Variants in ACACA observed in about 807,000 individuals in gnomAD.
ACACA encodes the protein acetyl-CoA carboxylase alpha.
A neutral mutation model predicts 296.1 loss-of-function variants in ACACA; 103 were observed. That is an observed-to-expected ratio of 0.35 (90% CI 0.30 to 0.41). The LOEUF is 0.41. ACACA is among the 10% of genes least tolerant of loss of function. The pLI is 1.00. For missense variants in ACACA, 1,554 were observed against 2,989.7 expected (o/e 0.52, Z 11.20); for synonymous variants, 953 against 1,038.6 (o/e 0.92, Z 1.58).
At chr17:37,290,794 G>A (rs980468738) in intron 3 of ACACA, among the ~76,000 whole-genome samples, 3 of 152,026 alleles carry the variant, frequency 2.0e-5, no homozygotes, top group South Asian at 2.1e-4. Context: ...TATAAAATAC[G>A]CTAACACTGG....
intron 1 of ACACA, among the ~76,000 whole-genome samples, chr17:37,398,089 G>A (rs893168681): frequency 1.3e-5 from 2 of 151,516 alleles, no homozygotes; most frequent in African/African-American, 2.4e-5. Flanking sequence ...AATTAGCTGG[G>A]CGTGGTGGCG....
intron 1 of ACACA, among the ~76,000 whole-genome samples, chr17:37,354,465 T>C (rs1409018439): frequency 5.9e-5 from 9 of 152,334 alleles, no homozygotes; most frequent in African/African-American, 1.4e-4. Flanking sequence ...TTAAATGAGA[T>C]TGGCCAGCTA....
At chr17:37,134,158 T>C (rs2075231861) in intron 45 of ACACA, among the ~76,000 whole-genome samples, 1 of 152,216 alleles carries the variant, frequency 6.6e-6, no homozygotes, top group African/African-American at 2.4e-5. Flanking sequence ...AATGCAGTCA[T>C]ACGTCCATGC....
intron 11 of ACACA, 93 bp from the exon 12 acceptor site, chr17:37,259,623 A>T: frequency 7.3e-7 from 1 of 1,368,370 alleles, no homozygotes; most frequent in Non-Finnish European, 1.0e-6. Flanking sequence ...TTCAGTGTGT[A>T]TAAGAGCCAT....
chr17:37,292,729 T>C (rs2083129414), intron 3 of ACACA, among the ~76,000 whole-genome samples: 1 of 152,064 alleles, frequency 6.6e-6, no homozygotes. Flanking sequence ...CTGGGCGTGG[T>C]GGTGTGTGCC....
chr17:37,197,431 G>T (rs1464143038), intron 35 of ACACA, among the ~76,000 whole-genome samples: 4 of 152,124 alleles, frequency 2.6e-5, no homozygotes, highest in Non-Finnish European at 5.9e-5. Flanking sequence ...CAATAATATA[G>T]GGATTCCACA....
At chr17:37,189,248 A>C (rs1340550306) in intron 38 of ACACA, among the ~76,000 whole-genome samples, 1 of 152,236 alleles carries the variant, frequency 6.6e-6, no homozygotes, top group Non-Finnish European at 1.5e-5. Context: ...ACATGGCTGC[A>C]CAGAACATAA....
At chr17:37,233,254 G>A (rs1201270352) in intron 25 of ACACA, among the ~76,000 whole-genome samples, 1 of 152,190 alleles carries the variant, frequency 6.6e-6, no homozygotes, top group Non-Finnish European at 1.5e-5. Flanking sequence ...TCACACCAGC[G>A]TGATTACTTG....
At position 37,375,302 on chromosome 17, in the gene ACACA, C is replaced by T. The variant is rs1247975164; in HGVS notation, c.38+30960G>A. On this transcript the variant is annotated intron_variant, in intron 1 of 55. Coordinates refer to ENST00000616317, the MANE Select transcript of ACACA (RefSeq NM_198834.3). ...GAGATTAAGACCATCCTGTCTAACA[C>T]GGTGAAACGCTGTCTCTACTAAAAA... Among the ~76,000 whole-genome samples, 8 of 152,106 alleles carry T rather than the reference C, an allele frequency of 5.3e-5. 1 individual carries two copies. The East Asian group carries it at 7.7e-4, about 15-fold the overall frequency.
intron 16 of ACACA, 118 bp from the exon 17 acceptor site, chr17:37,248,792 C>A (rs1158098693): frequency 7.2e-6 from 5 of 693,898 alleles, no homozygotes; most frequent in Non-Finnish European, 1.0e-5. Flanking sequence ...AACCTAAATA[C>A]CTAAATGATC....
chr17:37,405,313 C>T (rs947179973), intron 1 of ACACA, among the ~76,000 whole-genome samples: 1 of 152,170 alleles, frequency 6.6e-6, no homozygotes, highest in Non-Finnish European at 1.5e-5. Flanking sequence ...TGCTTATTGA[C>T]AGTCTTCCCT....
chr17:37,358,125 TA>T (rs1381044685), intron 1 of ACACA, among the ~76,000 whole-genome samples: 1 of 152,142 alleles, frequency 6.6e-6, no homozygotes, highest in Non-Finnish European at 1.5e-5. Flanking sequence ...TATCTGAAAT[TA>T]AACTATTTCT....
chr17:37,172,940 A>G (rs1301298267), intron 41 of ACACA, among the ~76,000 whole-genome samples: 1 of 152,152 alleles, frequency 6.6e-6, no homozygotes, highest in Non-Finnish European at 1.5e-5. Context: ...GCATAGTACA[A>G]TTTAAATATG....
intron 21 of ACACA, 140 bp from the exon 22 acceptor site, chr17:37,243,699 C>T (rs1483872086): frequency 2.5e-6 from 2 of 808,438 alleles, no homozygotes; most frequent in African/African-American, 3.4e-5. Context: ...CATACTTGAG[C>T]CCTACGGAAC....
rs1355146410 is a variant in ACACA at position 37,223,499 on chromosome 17, C to T, written c.3564+13G>A. The T allele has an allele frequency of 3.2e-6, 5 of 1,579,024 alleles. No homozygotes were observed. The highest frequency in any genetic ancestry group is 3.3e-5 in the Admixed American group (2 of 59,946). On this transcript the variant is annotated intron_variant, in intron 28 of 55. Transcript: ENST00000616317. ...AAAGGAAAAGGTCATGTCCCATTAC[C>T]ATAAATACTTACCTCCAGAGCTGCC...
At chr17:37,316,930 G>C (rs1488552800) in intron 3 of ACACA, among the ~76,000 whole-genome samples, 2 of 152,042 alleles carry the variant, frequency 1.3e-5, no homozygotes, top group African/African-American at 4.8e-5. Context: ...AAAATTAGCT[G>C]GGTGTGGTGG....
intron 1 of ACACA, among the ~76,000 whole-genome samples, chr17:37,340,931 T>C (rs1354791332): frequency 6.6e-6 from 1 of 152,144 alleles, no homozygotes; most frequent in Non-Finnish European, 1.5e-5. Context: ...GGCAGTAGTG[T>C]GCACCTACAG....
At chr17:37,200,366 T>C (rs371383451) in intron 34 of ACACA, 61 bp downstream of exon 34, 40 of 1,502,366 alleles carry the variant, frequency 2.7e-5, no homozygotes, top group East Asian at 2.0e-4. Flanking sequence ...CAATCCCATT[T>C]TTATTAAGTT....
chr17:37,331,301 T>C (rs931384764), intron 2 of ACACA, among the ~76,000 whole-genome samples: 2 of 151,298 alleles, frequency 1.3e-5, no homozygotes, highest in Admixed American at 1.3e-4. Context: ...GTATTTTTAG[T>C]AGAGATGGGG....
Sources: gnomAD v4.1 joint callset for allele counts (sites outside exome capture counted in the v4.1 genomes callset) on GRCh38, gnomAD v4.1.1 for gene constraint, MANE v1.5 for transcripts, NCBI Gene and HGNC (gene_info 2026-07-23, HGNC 2026-07-21) for gene names.